STAG1: variants seen among roughly 807,000 people sequenced by gnomAD.
STAG1 encodes STAG1 cohesin complex component, also known as cohesin subunit SA-1.
A neutral mutation model predicts 170.9 loss-of-function variants in STAG1; 26 were observed. The ratio of observed to expected loss-of-function variants is 0.15; its 90% CI spans 0.11 to 0.21. STAG1 has a LOEUF of 0.21. Ranked by LOEUF, STAG1 falls within the 10% of genes least tolerant of loss-of-function variation. The probability of loss-of-function intolerance (pLI) is 1.00; values close to 1 mark genes in which losing one functional copy is unlikely to be tolerated. For missense variants in STAG1, 964 were observed against 1,509.5 expected (o/e 0.64, Z 5.99); for synonymous variants, 514 against 497.7 (o/e 1.03, Z -0.44).
chr3:136,591,457 C>A, intron 4 of STAG1: 1 of 282,004 alleles, frequency 3.5e-6, no homozygotes, highest in African/African-American at 2.3e-5. Flanking sequence ...GTAGTCCCAG[C>A]TACTCGAGAG....
At chr3:136,714,951 A>ATATATATATG (rs1943485973) in intron 1 of STAG1, among the ~76,000 whole-genome samples, 1 of 80,286 alleles carries the variant, frequency 1.2e-5, no homozygotes, top group African/African-American at 4.2e-5. Flanking sequence ...ATATATATAT[A>ATATATATATG]TATATATATA....
At chr3:136,548,728 T>C (rs1936263347) in intron 5 of STAG1, among the ~76,000 whole-genome samples, 1 of 152,222 alleles carries the variant, frequency 6.6e-6, no homozygotes, top group Admixed American at 6.5e-5. Context: ...AGTGAGTCTT[T>C]TACCTCCTAA....
intron 1 of STAG1, among the ~76,000 whole-genome samples, chr3:136,701,222 T>C (rs1266648205): frequency 6.6e-6 from 1 of 152,134 alleles, no homozygotes; most frequent in Non-Finnish European, 1.5e-5. Flanking sequence ...ATCCCTACCT[T>C]GATTTAGTGC....
intron 9 of STAG1, among the ~76,000 whole-genome samples, chr3:136,496,356 A>T (rs866244915): frequency 1.3e-5 from 2 of 151,846 alleles, no homozygotes; most frequent in Non-Finnish European, 2.9e-5. Flanking sequence ...AGAGATCTAT[A>T]GGTATCTATA....
intron 6 of STAG1, among the ~76,000 whole-genome samples, chr3:136,539,259 G>A (rs1935781961): frequency 6.6e-6 from 1 of 151,922 alleles, no homozygotes; most frequent in Admixed American, 6.6e-5. Context: ...TTCTCAGTTT[G>A]TATACTATTT....
At chr3:136,405,231 C>CTTTTTTTTT (rs554475207) in intron 21 of STAG1, among the ~76,000 whole-genome samples, 16 of 60,876 alleles carry the variant, frequency 2.6e-4, no homozygotes, top group South Asian at 1.0e-3. Flanking sequence ...GAAAAAACCT[C>CTTTTTTTTT]TTTTTTTTTT....
At chr3:136,694,710 G>A (rs543084148) in intron 1 of STAG1, among the ~76,000 whole-genome samples, 2 of 152,018 alleles carry the variant, frequency 1.3e-5, no homozygotes, top group African/African-American at 4.8e-5. Flanking sequence ...AATAACCTAC[G>A]AAATTCCTTG....
intron 1 of STAG1, among the ~76,000 whole-genome samples, chr3:136,742,852 T>C (rs1156861054): frequency 1.3e-5 from 2 of 152,134 alleles, no homozygotes; most frequent in African/African-American, 2.4e-5. Flanking sequence ...AATGTAGCAG[T>C]GCTTAGAGAA....
At chr3:136,519,770 T>C (rs781736154) in intron 7 of STAG1, among the ~76,000 whole-genome samples, 23 of 152,058 alleles carry the variant, frequency 1.5e-4, no homozygotes, top group Non-Finnish European at 1.8e-4. Context: ...TTAAAAAAGA[T>C]AAACAGGGTA....
intron 21 of STAG1, among the ~76,000 whole-genome samples, chr3:136,415,323 C>A (rs73224194): frequency 1.1e-4 from 5 of 47,500 alleles, no homozygotes; most frequent in African/African-American, 3.0e-4. Flanking sequence ...AAAAAAAAAA[C>A]AAAAGACAAA....
chr3:136,391,486 C>T (rs1287741655), intron 22 of STAG1, among the ~76,000 whole-genome samples: 1 of 151,408 alleles, frequency 6.6e-6, no homozygotes, highest in Non-Finnish European at 1.5e-5. Flanking sequence ...AAGCGATTCT[C>T]CTGCCTCAGC....
intron 6 of STAG1, among the ~76,000 whole-genome samples, chr3:136,525,921 A>T (rs2107916970): frequency 6.6e-6 from 1 of 152,320 alleles, no homozygotes; most frequent in African/African-American, 2.4e-5. Flanking sequence ...TGAGTTTCTT[A>T]ATCCTGAGTT....
intron 4 of STAG1, among the ~76,000 whole-genome samples, chr3:136,571,519 A>C (rs1007096047): frequency 1.3e-5 from 2 of 151,690 alleles, no homozygotes; most frequent in Non-Finnish European, 1.5e-5. Context: ...CAGTGAGCAA[A>C]GATCGCACCA....
At chr3:136,613,077 C>T (rs925148859) in intron 3 of STAG1, among the ~76,000 whole-genome samples, 81 of 151,868 alleles carry the variant, frequency 5.3e-4, no homozygotes, top group Non-Finnish European at 3.8e-4. Context: ...CCGAGGTGGG[C>T]GGATCACGAG....
At chr3:136,698,598 C>CA (rs1942964995) in intron 1 of STAG1, among the ~76,000 whole-genome samples, 1 of 152,056 alleles carries the variant, frequency 6.6e-6, no homozygotes, top group Non-Finnish European at 1.5e-5. Flanking sequence ...ATTACTTAAA[C>CA]AAAAGTAGAA....
intron 15 of STAG1, among the ~76,000 whole-genome samples, chr3:136,442,000 C>T (rs1193773683): frequency 3.9e-5 from 6 of 152,106 alleles, no homozygotes; most frequent in Admixed American, 2.0e-4. Context: ...GAGTTCAAGA[C>T]GAGCCTGGTC....
chr3:136,478,733 A>T (rs1163288370), intron 9 of STAG1, among the ~76,000 whole-genome samples: 2 of 152,180 alleles, frequency 1.3e-5, no homozygotes, highest in Non-Finnish European at 2.9e-5. Flanking sequence ...TTCTCTTTCC[A>T]AGCCATACTG....
At chr3:136,514,514 G>A (rs113206062) in intron 7 of STAG1, among the ~76,000 whole-genome samples, 176 of 152,248 alleles carry the variant, frequency 1.2e-3, no homozygotes, top group African/African-American at 2.5e-3. Flanking sequence ...TGATTCCCCA[G>A]TTATCTAGAA....
At position 136,359,177 on chromosome 3, in the gene STAG1, C is replaced by T. The variant is rs1037463637; in HGVS notation, c.2907G>A (p.Lys969=). 3 of 1,613,140 alleles carry T rather than the reference C, an allele frequency of 1.9e-6. No individual in the cohort carries two copies. Among genetic ancestry groups the T allele is most frequent in the Non-Finnish European group, 2.5e-6 (3 of 1,179,602 alleles). Residue 969 remains lysine (K), a synonymous_variant, in exon 27 of 34, where the codon AAG becomes AAA. Coordinates refer to ENST00000383202, the MANE Select transcript of STAG1 (RefSeq NM_005862.3). ...GAAGTGTGGCAACTGCTTCTCGTGT[C>T]TTAATCTGGTCCAATCCAAATGTAA... ...FALTFGLDQI[K]TREAVATLHK... is the part of the protein sequence containing the mutation.
Sources: allele counts gnomAD v4.1 joint callset (sites outside exome capture counted in the v4.1 genomes callset), GRCh38; gene constraint gnomAD v4.1.1; transcripts MANE v1.5; gene names NCBI Gene and HGNC (gene_info 2026-07-23, HGNC 2026-07-21).